The following NFKB2 variants were observed in gnomAD, a reference collection of about 807,000 sequenced individuals.
NFKB2 encodes the protein nuclear factor kappa B subunit 2, also known as nuclear factor NF-kappa-B p100 subunit.
A neutral mutation model predicts 109.3 loss-of-function variants in NFKB2; 21 were observed. The observed-to-expected ratio is 0.19, with a 90% CI of 0.14 to 0.28. The LOEUF (loss-of-function observed/expected upper bound fraction) is 0.28, where lower values mean the gene tolerates loss of function less well. Among genes scored for constraint, NFKB2 ranks in the 10% least tolerant of loss-of-function variants. The probability of loss-of-function intolerance (pLI) is 1.00; values close to 1 mark genes in which losing one functional copy is unlikely to be tolerated. For missense variants in NFKB2, 806 were observed against 1,185.3 expected, an observed-to-expected ratio of 0.68 and a Z score of 4.70; for synonymous variants, 478 against 489.9, an observed-to-expected ratio of 0.98 and a Z score of 0.32.
Position 102,397,082 on chromosome 10 carries a change from A to G in NFKB2, c.395+27A>G. ...TAGGTGCCCTCTACGCCTGGCCCCC[A>G]CTGGTATGCCCGTCTGCCAGTCCCA... On this transcript the variant is annotated intron_variant, in intron 6 of 22. Transcript: ENST00000661543. The surrounding 1 kb of genome is among the most constrained non-coding windows in gnomAD (Gnocchi z 4.7). 6.3e-7 allele frequency: 1 copy of G among 1,598,822 alleles called. No homozygotes were observed. The highest frequency in any genetic ancestry group is 8.6e-7 in the Non-Finnish European group (1 of 1,168,408).
chr10:102,398,946 G>A lies in NFKB2; in HGVS notation c.1117+82G>A. 7.0e-7 allele frequency: 1 copy of A among 1,432,382 alleles called. No homozygotes were observed. Among genetic ancestry groups the A allele is most frequent in the Non-Finnish European group, 9.5e-7 (1 of 1,053,096 alleles). The allele number at this position is 1,432,382 out of a possible 1,614,324, so 88.7% of individuals were successfully genotyped here. A position where few individuals can be genotyped will look rare whatever the true frequency, so the allele number is the denominator to read the frequency against. Reference sequence around the variant, plus strand: ...AATCTGGGGGAGGCCGGGCGTGGTGGCTCACGCCTGTAATCCAGCCCTTTG... The same window carrying A: ...AATCTGGGGGAGGCCGGGCGTGGTGACTCACGCCTGTAATCCAGCCCTTTG... On this transcript the variant is annotated intron_variant, in intron 12 of 22. Coordinates refer to ENST00000661543, the MANE Select transcript of NFKB2 (RefSeq NM_001322934.2). This position sits in a 1 kb window ranked among gnomAD's most constrained non-coding sequence, Gnocchi z 6.6.
Position 102,396,375 on chromosome 10 carries a change from G to A in NFKB2, c.103+41G>A, listed in dbSNP as rs749331662. ...AACCTCCCCTAGTCCTAAAGCGGGG[G>A]AGGGAGAGCATGTGCCCTCTCTCTG... On this transcript the variant is annotated intron_variant, in intron 3 of 22. Transcript: ENST00000661543. This position sits in a 1 kb window ranked among gnomAD's most constrained non-coding sequence, Gnocchi z 5.9. The A allele has an allele frequency of 4.3e-6, 7 of 1,613,948 alleles. No individual in the cohort carries two copies. Among genetic ancestry groups the A allele is most frequent in the South Asian group, 1.1e-5 (1 of 91,082 alleles).
intron 14 of NFKB2, 21 bp downstream of exon 14, chr10:102,399,739 C>T (rs1483134000): frequency 6.9e-7 from 1 of 1,447,562 alleles, no homozygotes. Flanking sequence ...GAGGGCCTGG[C>T]GGACGAGGCG....
At chr10:102,395,631 T>C (rs2135426945), upstream of NFKB2, 1 of 475,558 alleles carries the variant, frequency 2.1e-6, no homozygotes, top group African/African-American at 1.9e-5. Context: ...GCGGGGCCAG[T>C]GGCGTCATTT....
Position 102,400,061 on chromosome 10 carries a change from C to G in NFKB2, c.1470-19C>G, listed in dbSNP as rs1306263044. 1 of 1,611,088 alleles carries G rather than the reference C, an allele frequency of 6.2e-7. No individual in the cohort carries two copies. Among genetic ancestry groups the G allele is most frequent in the African/African-American group, 1.3e-5 (1 of 74,824 alleles). ...ATGCTCTGAGTGGCTGGGCCAGACT[C>G]TCGCTCCCCAACCCCCAGACCACTG... is the stretch of plus-strand genomic sequence containing the variant. On this transcript the variant is annotated intron_variant, in intron 14 of 22. Coordinates refer to ENST00000661543, the MANE Select transcript of NFKB2 (RefSeq NM_001322934.2). The surrounding 1 kb of genome is among the most constrained non-coding windows in gnomAD (Gnocchi z 6.3).
In NFKB2 at chr10:102,400,125, G is replaced by A. The variant is rs1307560860; in HGVS notation, c.1515G>A (p.Glu505=). Residue 505 remains glutamate, a synonymous_variant, in exon 15 of 23, where the codon GAG becomes GAA. Coordinates refer to ENST00000661543, the MANE Select transcript of NFKB2 (RefSeq NM_001322934.2). The surrounding 1 kb of genome is among the most constrained non-coding windows in gnomAD (Gnocchi z 6.3). The part of the protein sequence containing the change: ...AIIHGQTSVI[E]QIVYVIHHAQ... ...TCCACGGGCAGACCAGTGTCATTGA[G>A]CAGATAGTCTATGTCATCCACCACG... The A allele has an allele frequency of 5.0e-6, 8 of 1,614,134 alleles. No homozygotes were observed. The highest frequency in any genetic ancestry group is 6.8e-6 in the Non-Finnish European group (8 of 1,180,010).
intron 12 of NFKB2, 186 bp from the exon 13 acceptor site, chr10:102,399,102 A>G (rs1017905734): frequency 2.7e-6 from 2 of 731,422 alleles, no homozygotes; most frequent in African/African-American, 3.6e-5. Flanking sequence ...AATCCCAGCT[A>G]CTCGGGAGGC....
Position 102,400,940 on chromosome 10 carries a change from C to T in NFKB2, c.1969-7C>T, listed in dbSNP as rs746920543. On this transcript the variant is annotated splice_polypyrimidine_tract_variant and splice_region_variant and intron_variant, in intron 17 of 22. Coordinates refer to ENST00000661543, the MANE Select transcript of NFKB2 (RefSeq NM_001322934.2). This position sits in a 1 kb window ranked among gnomAD's most constrained non-coding sequence, Gnocchi z 6.3. ...GTGGTGTCAACTCTCGCTGCTCGCACCCCCAGCTCCGGGCCAACGTGAACG... is the reference window on the plus strand; with the variant it reads ...GTGGTGTCAACTCTCGCTGCTCGCATCCCCAGCTCCGGGCCAACGTGAACG... The T allele has an allele frequency of 1.6e-5, 26 of 1,610,950 alleles. No homozygotes were observed. The highest frequency in any genetic ancestry group is 5.0e-5 in the Admixed American group (3 of 59,590).
rs571478774 is a variant in NFKB2, at chr10:102,400,875, A to G, written c.1968+51A>G. ...TGGGGCCAAGGGTGGTGGAGGGGCC[A>G]AAGATGGTGAAGGGGGGGGCTGGCC... On this transcript the variant is annotated intron_variant, in intron 17 of 22. Coordinates refer to ENST00000661543, the MANE Select transcript of NFKB2 (RefSeq NM_001322934.2). This position sits in a 1 kb window ranked among gnomAD's most constrained non-coding sequence, Gnocchi z 6.3. 3 of 1,578,488 alleles carry G rather than the reference A, an allele frequency of 1.9e-6. No homozygotes were observed. The highest frequency in any genetic ancestry group is 4.6e-5 in the East Asian group (2 of 43,754).
rs765783541 is a variant in NFKB2, at chr10:102,400,051, G to A, written c.1470-29G>A. ...AAAGCGAAGGATGCTCTGAGTGGCT[G>A]GGCCAGACTCTCGCTCCCCAACCCC... On this transcript the variant is annotated intron_variant, in intron 14 of 22. Coordinates refer to ENST00000661543, the MANE Select transcript of NFKB2 (RefSeq NM_001322934.2). The surrounding 1 kb of genome is among the most constrained non-coding windows in gnomAD (Gnocchi z 6.3). The A allele has an allele frequency of 2.5e-6, 4 of 1,604,856 alleles. No individual in the cohort carries two copies. The highest frequency in any genetic ancestry group is 2.7e-5 in the African/African-American group (2 of 74,716).
chr10:102,399,508 C>G lies in NFKB2; in HGVS notation c.1327+11C>G, dbSNP rs1166784114. The G allele has an allele frequency of 3.3e-5, 49 of 1,499,218 alleles. 1 individual carries two copies. In the South Asian group the frequency reaches 3.6e-4, roughly 11 times the overall value. The allele number at this position is 1,499,218 out of a possible 1,614,324, so 92.9% of individuals were successfully genotyped here. A position where few individuals can be genotyped will look rare whatever the true frequency, so the allele number is the denominator to read the frequency against. On this transcript the variant is annotated intron_variant, in intron 13 of 22. Coordinates refer to ENST00000661543, the MANE Select transcript of NFKB2 (RefSeq NM_001322934.2). Reference sequence around the variant, plus strand: ...AGATGCTGCAGCGAGGTATGGACTCCGGGGCACGGGCGGTCGGGGCGCCGG... The same window carrying G: ...AGATGCTGCAGCGAGGTATGGACTCGGGGGCACGGGCGGTCGGGGCGCCGG...
Position 102,397,292 on chromosome 10 carries a change from C to G in NFKB2, c.396-10C>G. ...TGCATGGCCAAAGGCCTCCGATTCT[C>G]TCTTCTCAGATTTAACAACCTGGGT... is the stretch of plus-strand genomic sequence containing the variant. On this transcript the variant is annotated splice_polypyrimidine_tract_variant and intron_variant, in intron 6 of 22. Coordinates refer to ENST00000661543, the MANE Select transcript of NFKB2 (RefSeq NM_001322934.2). The surrounding 1 kb of genome is among the most constrained non-coding windows in gnomAD (Gnocchi z 4.7). 6.2e-7 allele frequency: 1 copy of G among 1,612,854 alleles called. No homozygotes were observed. The highest frequency in any genetic ancestry group is 8.5e-7 in the Non-Finnish European group (1 of 1,178,840).
chr10:102,398,477 G>A lies in NFKB2; in HGVS notation c.945G>A (p.Gly315=), dbSNP rs867702104. 1 of 1,614,200 alleles carries A rather than the reference G, an allele frequency of 6.2e-7. No individual in the cohort carries two copies. The highest frequency in any genetic ancestry group is 1.6e-4 in the Middle Eastern group (1 of 6,062). The stretch of plus-strand genomic sequence containing the variant: ...TGCAACTGAAACGCAAGCGAGGAGG[G>A]GACGTGTCTGATTCCAAACAGTTCA... ...VFLQLKRKRG[G]DVSDSKQFTY... Residue 315 remains glycine, a synonymous_variant, in exon 11 of 23, where the codon GGG becomes GGA. Coordinates refer to ENST00000661543, the MANE Select transcript of NFKB2 (RefSeq NM_001322934.2). This position sits in a 1 kb window ranked among gnomAD's most constrained non-coding sequence, Gnocchi z 6.6.
At position 102,397,135 on chromosome 10, in the gene NFKB2, C is replaced by T; in HGVS notation, c.395+80C>T. 6.4e-7 allele frequency: 1 copy of T among 1,573,984 alleles called. No homozygotes were observed. Among genetic ancestry groups the T allele is most frequent in the Non-Finnish European group, 8.7e-7 (1 of 1,155,392 alleles). On this transcript the variant is annotated intron_variant, in intron 6 of 22. Transcript: ENST00000661543. The surrounding 1 kb of genome is among the most constrained non-coding windows in gnomAD (Gnocchi z 4.7). ...CCCCAGCCCACCTCCATGAGCTTAG[C>T]ATCTGACCAAGGGGAAAGATGTAGG...
Position 102,399,577 on chromosome 10 carries a change from C to T in NFKB2, c.1328C>T (p.Ala443Val). The T allele has an allele frequency of 6.4e-7, 1 of 1,550,526 alleles. No individual in the cohort carries two copies. The change falls in exon 14 of 23, where the codon GCT becomes GTT. Residue 443 changes from alanine (A) to valine (V), a missense_variant and splice_region_variant. Coordinates refer to ENST00000661543, the MANE Select transcript of NFKB2 (RefSeq NM_001322934.2). ...EPQAPEMLQR[A>V]REYNARLFGL... ...GACCCACGCCCTCTGTGGCCCGTAG[C>T]TCGAGAGTACAACGCGCGCCTGTTC...
Position 102,402,247 on chromosome 10 carries a change from C to A in NFKB2, c.2579-5C>A. ...TATCCCATTCCTGTCCCCATTTACC[C>A]CCAGCAGAGGTGAAGGAAGACAGTG... On this transcript the variant is annotated splice_polypyrimidine_tract_variant and splice_region_variant and intron_variant, in intron 22 of 22. Coordinates refer to ENST00000661543, the MANE Select transcript of NFKB2 (RefSeq NM_001322934.2). 1 of 1,551,672 alleles carries A rather than the reference C, an allele frequency of 6.4e-7. No homozygotes were observed.
At position 102,400,473 on chromosome 10, in the gene NFKB2, C is replaced by T; in HGVS notation, c.1780C>T (p.His594Tyr). The change falls in exon 16 of 23, where the codon CAT becomes TAT. Residue 594 changes from histidine to tyrosine, a missense_variant. Transcript: ENST00000661543. The surrounding 1 kb of genome is among the most constrained non-coding windows in gnomAD (Gnocchi z 6.3). Reference sequence around the variant, plus strand: ...AGCTCCTGCTGTGCCCCAGCTGTTGCATATGCCTGACTTTGAGGGTGAGCT... The same window carrying T: ...AGCTCCTGCTGTGCCCCAGCTGTTGTATATGCCTGACTTTGAGGGTGAGCT... ...SGAPAVPQLL[H>Y]MPDFEGLYPV... 6.2e-7 allele frequency: 1 copy of T among 1,608,296 alleles called. No individual in the cohort carries two copies. The highest frequency in any genetic ancestry group is 1.1e-5 in the South Asian group (1 of 90,538).
At position 102,402,139 on chromosome 10, in the gene NFKB2, G is replaced by A. The variant is rs377577926; in HGVS notation, c.2558G>A (p.Arg853Gln). 32 of 1,576,870 alleles carry A rather than the reference G, an allele frequency of 2.0e-5. No individual in the cohort carries two copies. Among genetic ancestry groups the A allele is most frequent in the African/African-American group, 1.2e-4 (9 of 74,140 alleles). ...AGGCTGCTGAGGGGTCCAGAAACCC[G>A]AGACAAGCTGCCCAGCACAGGTAAA... ...GVRLLRGPET[R>Q]DKLPSTAEVK... Residue 853 changes from arginine to glutamine, a missense_variant, in exon 22 of 23, where the codon CGA becomes CAA. Transcript: ENST00000661543.
Position 102,396,015 on chromosome 10 carries a change from T to TGCCC in NFKB2, c.21+36_21+39dup. On this transcript the variant is annotated intron_variant, in intron 2 of 22. Transcript: ENST00000661543. This position sits in a 1 kb window ranked among gnomAD's most constrained non-coding sequence, Gnocchi z 5.9. The stretch of plus-strand genomic sequence containing the variant: ...GCCGCCTGCCCCTGACCCGGCCGGC[T>TGCCC]GCCCCTCGTGTCTGTCCACCTGTCT... 1 of 1,610,946 alleles carries TGCCC rather than the reference T, an allele frequency of 6.2e-7. No homozygotes were observed. Among genetic ancestry groups the TGCCC allele is most frequent in the South Asian group, 1.1e-5 (1 of 91,074 alleles).
Sources: allele counts gnomAD v4.1 joint callset, GRCh38; gene constraint gnomAD v4.1.1; non-coding constraint Gnocchi (gnomAD v3.1); transcripts MANE v1.5; gene names NCBI Gene and HGNC (gene_info 2026-07-23, HGNC 2026-07-21).